PTPN1: variants seen among roughly 807,000 people sequenced by gnomAD.
PTPN1 encodes the protein protein tyrosine phosphatase non-receptor type 1.
PTPN1 carries 12 observed loss-of-function variants against 59.9 expected under a neutral mutation model. The observed-to-expected ratio is 0.20, with a 90% CI of 0.13 to 0.32. PTPN1 has a LOEUF of 0.32. PTPN1 is among the 10% of genes least tolerant of loss of function. The pLI is 1.00. For synonymous variants in PTPN1, 178 were observed against 203.6 expected (o/e 0.87, Z 1.07); for missense variants, 356 against 549.2 (o/e 0.65, Z 3.52).
chr20:50,546,023 G>A (rs1756988746), intron 1 of PTPN1, among the ~76,000 whole-genome samples: 1 of 152,028 alleles, frequency 6.6e-6, no homozygotes, highest in Admixed American at 6.6e-5. Flanking sequence ...AGGTGACAGA[G>A]CGAGACAGGT....
intron 1 of PTPN1, among the ~76,000 whole-genome samples, chr20:50,544,297 T>C (rs897109687): frequency 1.3e-5 from 2 of 151,982 alleles, no homozygotes; most frequent in African/African-American, 4.8e-5. Flanking sequence ...ACCACAGACA[T>C]GTACCACCAC....
intron 1 of PTPN1, among the ~76,000 whole-genome samples, chr20:50,535,868 C>T (rs964077298): frequency 2.6e-5 from 4 of 151,976 alleles, no homozygotes; most frequent in African/African-American, 9.7e-5. Flanking sequence ...GTACTGGTCC[C>T]CGTCCCCCAC....
rs1056160998 is a variant in PTPN1 at position 50,583,077 on chromosome 20, C to T, written c.*362C>T. 9.9e-6 allele frequency: 3 copies of T among 301,552 alleles called. No individual in the cohort carries two copies. Among genetic ancestry groups the T allele is most frequent in the Non-Finnish European group, 1.9e-5 (3 of 161,536 alleles). 18.7% of individuals were successfully genotyped at this position (301,552 alleles called of 1,614,324 possible). On this transcript the variant is annotated 3_prime_UTR_variant, in exon 10 of 10. Coordinates refer to ENST00000371621, the MANE Select transcript of PTPN1 (RefSeq NM_002827.4). ...GCGGGCGGCACGCCAACAGCCCCCC[C>T]CTTGAATCTGCAGGGAGCAACTCTC... is the stretch of plus-strand genomic sequence containing the variant.
rs560019627 is a variant in PTPN1, at chr20:50,572,935, G to T, written c.355-1582G>T. 2.0e-5 allele frequency: 3 copies of T among 152,308 alleles called. No homozygotes were observed. The Middle Eastern group carries it at 0.01, about 518-fold the overall frequency. The allele number at this position is 152,308 out of a possible 1,614,324, so 9.4% of individuals were successfully genotyped here. The stretch of plus-strand genomic sequence containing the variant: ...CTTTTGGCAACTCATCATTGATCCA[G>T]GAAGGTGACATGGATGAAACTGGCT... On this transcript the variant is annotated intron_variant, in intron 4 of 9. Coordinates refer to ENST00000371621, the MANE Select transcript of PTPN1 (RefSeq NM_002827.4).
intron 3 of PTPN1, among the ~76,000 whole-genome samples, chr20:50,567,869 C>T (rs1290035542): frequency 6.6e-6 from 1 of 152,188 alleles, no homozygotes; most frequent in East Asian, 1.9e-4. Flanking sequence ...AATGAACATA[C>T]TTCATTTTCA....
chr20:50,517,281 G>T (rs144395062), intron 1 of PTPN1, among the ~76,000 whole-genome samples: 3 of 152,064 alleles, frequency 2.0e-5, no homozygotes, highest in African/African-American at 7.2e-5. Flanking sequence ...TTGAGATGGG[G>T]TCTTGCTGTG....
At chr20:50,535,075 C>T (rs747087931) in intron 1 of PTPN1, among the ~76,000 whole-genome samples, 11 of 152,110 alleles carry the variant, frequency 7.2e-5, no homozygotes, top group Admixed American at 1.3e-4. Context: ...CCTTCACTTC[C>T]TTCCCAAGCC....
At chr20:50,539,263 C>T (rs893761476) in intron 1 of PTPN1, among the ~76,000 whole-genome samples, 5 of 151,844 alleles carry the variant, frequency 3.3e-5, no homozygotes, top group Non-Finnish European at 5.9e-5. Flanking sequence ...CTCAAACTCC[C>T]GACCTCAGGT....
At chr20:50,532,784 G>C (rs2082607209) in intron 1 of PTPN1, among the ~76,000 whole-genome samples, 1 of 152,012 alleles carries the variant, frequency 6.6e-6, no homozygotes, top group Non-Finnish European at 1.5e-5. Context: ...CTGCAATCCT[G>C]GCACTGGAAT....
At chr20:50,557,307 T>C (rs1354685700) in intron 1 of PTPN1, among the ~76,000 whole-genome samples, 3 of 152,206 alleles carry the variant, frequency 2.0e-5, no homozygotes, top group Non-Finnish European at 2.9e-5. Flanking sequence ...CGTAGCTCAC[T>C]GTAGCCTCGA....
chr20:50,522,266 A>C (rs2082554721), intron 1 of PTPN1, among the ~76,000 whole-genome samples: 1 of 152,104 alleles, frequency 6.6e-6, no homozygotes, highest in South Asian at 2.1e-4. Context: ...TTTCTGTCCC[A>C]TGTTCAGTTA....
intron 1 of PTPN1, among the ~76,000 whole-genome samples, chr20:50,511,933 G>A (rs916230470): frequency 6.6e-6 from 1 of 152,200 alleles, no homozygotes; most frequent in African/African-American, 2.4e-5. Flanking sequence ...AGGAAAAAAG[G>A]TTTAAGCAGT....
intron 1 of PTPN1, among the ~76,000 whole-genome samples, chr20:50,529,475 G>C (rs2082591321): frequency 6.6e-6 from 1 of 152,192 alleles, no homozygotes; most frequent in Admixed American, 6.5e-5. Flanking sequence ...TTTTTCCTAA[G>C]TAATTTGTCT....
intron 4 of PTPN1, chr20:50,573,544 C>A (rs560654428): frequency 5.9e-5 from 9 of 152,294 alleles, no homozygotes; most frequent in African/African-American, 7.2e-5. Flanking sequence ...CATCCTTTGC[C>A]CCAGAGGAGG....
chr20:50,562,148 T>C (rs2082755692), intron 2 of PTPN1, among the ~76,000 whole-genome samples: 1 of 152,196 alleles, frequency 6.6e-6, no homozygotes, highest in Admixed American at 6.5e-5. Context: ...CACAGAGGCC[T>C]TTTTGACCCC....
chr20:50,521,577 C>T (rs950982009), intron 1 of PTPN1, among the ~76,000 whole-genome samples: 1 of 152,206 alleles, frequency 6.6e-6, no homozygotes, highest in African/African-American at 2.4e-5. Flanking sequence ...TGTGCTAAGC[C>T]TCCCCGATTT....
intron 1 of PTPN1, among the ~76,000 whole-genome samples, chr20:50,560,386 T>G (rs1427944078): frequency 6.6e-6 from 1 of 152,190 alleles, no homozygotes; most frequent in Non-Finnish European, 1.5e-5. Context: ...CAGATGGCTC[T>G]ACCTTTATCC....
At chr20:50,581,600 A>T in intron 9 of PTPN1, 140 bp downstream of exon 9, 1 of 1,019,116 alleles carries the variant, frequency 9.8e-7, no homozygotes, top group African/African-American at 1.6e-5. Context: ...TAAAGTCTGG[A>T]ACTGTGGAAG....
At chr20:50,526,180 A>G (rs550334650) in intron 1 of PTPN1, among the ~76,000 whole-genome samples, 2 of 152,220 alleles carry the variant, frequency 1.3e-5, no homozygotes, top group East Asian at 3.9e-4. Context: ...TAGTCAATAA[A>G]TTGCCATAGT....
Sources: allele counts gnomAD v4.1 joint callset (sites outside exome capture counted in the v4.1 genomes callset), GRCh38; gene constraint gnomAD v4.1.1; transcripts MANE v1.5; gene names NCBI Gene and HGNC (gene_info 2026-07-23, HGNC 2026-07-21).